Variants in PRKDC observed in about 807,000 individuals in gnomAD.
The protein encoded by PRKDC is DNA-dependent protein kinase catalytic subunit.
In PRKDC, 82 loss-of-function variants were observed where a neutral mutation model predicts 486.9. The observed-to-expected ratio is 0.17, with a 90% confidence interval of 0.14 to 0.20. The LOEUF (loss-of-function observed/expected upper bound fraction) is 0.20, where lower values mean the gene tolerates loss of function less well. Ranked by LOEUF, PRKDC falls within the 10% of genes least tolerant of loss-of-function variation. PRKDC has a pLI of 1.00. For synonymous variants in PRKDC, 1,895 were observed against 1,837.0 expected, an observed-to-expected ratio of 1.03 and a Z score of -0.81; for missense variants, 4,504 against 5,038.2, an observed-to-expected ratio of 0.89 and a Z score of 3.21.
chr8:47,890,418 G>T lies in PRKDC; in HGVS notation c.3910C>A (p.His1304Asn). The T allele has an allele frequency of 6.3e-7, 1 of 1,597,878 alleles. No homozygotes were observed. Among genetic ancestry groups the T allele is most frequent in the Non-Finnish European group, 8.5e-7 (1 of 1,171,372 alleles). ...VAFFLESIAM[H>N]DIIAAEKCFG... ...CACTTTTCTGCTGCTATAATGTCAT[G>T]CATGGCAATGCTTTCTAAGAAGAAA... is the stretch of plus-strand genomic sequence containing the variant. The change falls in exon 32 of 86, where the codon CAT becomes AAT. Residue 1304 changes from histidine (H) to asparagine (N), a missense_variant. His to Asn is a moderately conservative substitution (Grantham distance 68). This residue lies in a region of PRKDC where 1,969 missense variants were observed against 2,068.9 expected (regional missense o/e 0.95). Transcript: ENST00000314191.
At chr8:47,821,494 C>T in intron 65 of PRKDC, 110 bp downstream of exon 65, 5 of 1,029,682 alleles carry the variant, frequency 4.9e-6, no homozygotes, top group Non-Finnish European at 7.3e-6. Context: ...ATGCAATTCC[C>T]TAGTGCTTCA....
In PRKDC at chr8:47,859,691, A is replaced by G; in HGVS notation, c.6127T>C (p.Phe2043Leu). ...CTCTGAACTCCGGTTGAGAAATCAAATTGACTCATTTCCTCACTCAGGGTA... is the reference window on the plus strand; with the variant it reads ...CTCTGAACTCCGGTTGAGAAATCAAGTTGACTCATTTCCTCACTCAGGGTA... ...DSTLSEEMSQ[F>L]DFSTGVQSYS... The change falls in exon 46 of 86, where the codon TTT becomes CTT. Residue 2043 changes from phenylalanine to leucine, a missense_variant. Physicochemically the swap from Phe to Leu is conservative, Grantham distance 22 (BLOSUM62 0). Around this residue, in one of 6 missense-constraint regions of PRKDC, gnomAD observed 1,592 missense variants for 1,724.6 expected, o/e 0.92. Transcript: ENST00000314191. 6.2e-7 allele frequency: 1 copy of G among 1,613,916 alleles called. No individual in the cohort carries two copies. Among genetic ancestry groups the G allele is most frequent in the Non-Finnish European group, 8.5e-7 (1 of 1,179,806 alleles).
chr8:47,917,373 C>G (rs929249061), intron 22 of PRKDC, among the ~76,000 whole-genome samples: 1 of 152,162 alleles, frequency 6.6e-6, no homozygotes, highest in African/African-American at 2.4e-5. Context: ...TTTCTAGTTT[C>G]ATTCTAGTCT....
chr8:47,913,180 G>A (rs990442224), intron 24 of PRKDC, among the ~76,000 whole-genome samples: 9 of 152,192 alleles, frequency 5.9e-5, no homozygotes, highest in Admixed American at 2.6e-4. Flanking sequence ...AAACTAGTGT[G>A]ATTTGCTACA....
At chr8:47,864,263 A>T (rs2088750483) in intron 41 of PRKDC, among the ~76,000 whole-genome samples, 1 of 152,212 alleles carries the variant, frequency 6.6e-6, no homozygotes, top group African/African-American at 2.4e-5. Context: ...GACCGCCAGG[A>T]ACAGCTCTTC....
rs2089802989 is a variant in PRKDC at position 47,907,290 on chromosome 8, T to C, written c.2935-2314A>G. On this transcript the variant is annotated intron_variant, in intron 25 of 85. Transcript: ENST00000314191. ...CTCCTGACCTTGTGATCCACCCACC[T>C]CGGCCTCCCAAAGTGCTGGGATTAC... 2.0e-5 allele frequency among the ~76,000 whole-genome samples: 3 copies of C among 148,664 alleles called. No homozygotes were observed. The Admixed American group carries it at 2.4e-4, about 12-fold the overall frequency.
intron 35 of PRKDC, 26 bp from the exon 36 acceptor site, chr8:47,886,173 A>G: frequency 1.9e-6 from 3 of 1,544,870 alleles, no homozygotes; most frequent in Non-Finnish European, 2.6e-6. Context: ...GAGAAGTACC[A>G]TAACTGGGGC....
chr8:47,788,734 T>G (rs2086834931), intron 76 of PRKDC, among the ~76,000 whole-genome samples, 172 bp downstream of exon 76: 1 of 152,194 alleles, frequency 6.6e-6, no homozygotes, highest in Non-Finnish European at 1.5e-5. Context: ...CCTAAAAATG[T>G]TATCAATGTG....
chr8:47,886,159 A>G lies in PRKDC; in HGVS notation c.4573-12T>C. 6.3e-7 allele frequency: 1 copy of G among 1,578,602 alleles called. No individual in the cohort carries two copies. Among genetic ancestry groups the G allele is most frequent in the Non-Finnish European group, 8.6e-7 (1 of 1,164,438 alleles). On this transcript the variant is annotated splice_polypyrimidine_tract_variant and intron_variant, in intron 35 of 85. Transcript: ENST00000314191. The stretch of plus-strand genomic sequence containing the variant: ...ACAAGGCGCTCACACTGGGAAAAAG[A>G]AAGGAGAAGTACCATAACTGGGGCA...
intron 21 of PRKDC, among the ~76,000 whole-genome samples, chr8:47,919,612 A>G (rs1268398828): frequency 1.3e-5 from 2 of 152,132 alleles, no homozygotes; most frequent in African/African-American, 4.8e-5. Flanking sequence ...AATCCCTGGC[A>G]GTGGGATCTT....
intron 48 of PRKDC, 77 bp from the exon 49 acceptor site, chr8:47,857,376 C>A: frequency 6.9e-7 from 1 of 1,444,914 alleles, no homozygotes. Context: ...CTGTATCTTC[C>A]ATCAGCTAAA....
At chr8:47,804,041 C>A (rs373758493) in intron 69 of PRKDC, among the ~76,000 whole-genome samples, 1 of 152,020 alleles carries the variant, frequency 6.6e-6, no homozygotes, top group East Asian at 1.9e-4. Flanking sequence ...AGAACATTTT[C>A]ACTACCCCAA....
Position 47,819,489 on chromosome 8 carries a change from G to C in PRKDC, c.9358C>G (p.Leu3120Val). Reference protein sequence around the residue: ...FMQNYSSIDVLLHQSRLTKLQ... With the variant: ...FMQNYSSIDVVLHQSRLTKLQ... Reference sequence around the variant, plus strand: ...TTGGTGAGTCTACTTTGGTGTAAGAGGACATCAATACTAGAATAATTCTTA... The same window carrying C: ...TTGGTGAGTCTACTTTGGTGTAAGACGACATCAATACTAGAATAATTCTTA... The change falls in exon 67 of 86, where the codon CTC becomes GTC. Residue 3120 changes from leucine (L) to valine (V), a missense_variant. Leu to Val is a conservative substitution (Grantham distance 32). Transcript: ENST00000314191. 1 of 1,405,340 alleles carries C rather than the reference G, an allele frequency of 7.1e-7. No individual in the cohort carries two copies. The highest frequency in any genetic ancestry group is 2.4e-5 in the Admixed American group (1 of 41,060). The allele number at this position is 1,405,340 out of a possible 1,614,324, so 87.1% of individuals were successfully genotyped here.
chr8:47,858,521 C>T lies in PRKDC; in HGVS notation c.6460G>A (p.Glu2154Lys), dbSNP rs1366321946. The change falls in exon 48 of 86, where the codon GAA (glutamate) becomes AAA (lysine). Residue 2154 changes from glutamate (E) to lysine (K), a missense_variant. By Grantham distance (56) the Glu-to-Lys change is moderately conservative. Around this residue, in one of 6 missense-constraint regions of PRKDC, gnomAD observed 1,592 missense variants for 1,724.6 expected, o/e 0.92. Coordinates refer to ENST00000314191, the MANE Select transcript of PRKDC (RefSeq NM_006904.7). ...AGAAATAATCAATTACTTACCTCTTCTGTATTAATAACAAGCTTGGCTAAG... is the reference window on the plus strand; with the variant it reads ...AGAAATAATCAATTACTTACCTCTTTTGTATTAATAACAAGCTTGGCTAAG... ...LFLAKLVINT[E>K]EVFRPYAKHW... The T allele has an allele frequency of 6.7e-7, 1 of 1,498,740 alleles. No homozygotes were observed. The allele number at this position is 1,498,740 out of a possible 1,614,324, so 92.8% of individuals were successfully genotyped here. A position where few individuals can be genotyped will look rare whatever the true frequency, so the allele number is the denominator to read the frequency against.
intron 69 of PRKDC, chr8:47,805,241 A>G (rs992871492): frequency 6.6e-6 from 1 of 152,182 alleles, no homozygotes; most frequent in African/African-American, 2.4e-5. Flanking sequence ...ACCATTTTAC[A>G]TTCCCACCAG....
chr8:47,914,338 A>G (rs1018570643), intron 23 of PRKDC, among the ~76,000 whole-genome samples: 4 of 152,226 alleles, frequency 2.6e-5, no homozygotes, highest in Non-Finnish European at 5.9e-5. Flanking sequence ...AGTATTTTGT[A>G]GAAGAAAGTC....
intron 55 of PRKDC, 73 bp downstream of exon 55, chr8:47,839,943 C>T: frequency 8.0e-7 from 1 of 1,256,490 alleles, no homozygotes; most frequent in Non-Finnish European, 1.1e-6. Context: ...TGCCCCTGTA[C>T]TCCAGCCTCG....
Position 47,933,126 on chromosome 8 carries a change from C to A in PRKDC, c.1670G>T (p.Ser557Ile), listed in dbSNP as rs1302786212. The change falls in exon 16 of 86, where the codon AGT (serine) becomes ATT (isoleucine). Residue 557 changes from serine to isoleucine, a missense_variant. Ser to Ile is a moderately radical substitution (Grantham distance 142). Coordinates refer to ENST00000314191, the MANE Select transcript of PRKDC (RefSeq NM_006904.7). ...ATAAAGTAAATGATTCAGACTTTCA[C>A]TGGAGGAATTCACAGAGAAAAATGC... ...DEAFFSVNSSSESLNHLLYDE... is the reference protein window; with the variant it reads ...DEAFFSVNSSIESLNHLLYDE... 4.5e-6 allele frequency: 7 copies of A among 1,561,440 alleles called. No homozygotes were observed. The highest frequency in any genetic ancestry group is 6.1e-6 in the Non-Finnish European group (7 of 1,156,292).
At chr8:47,897,788 C>T (rs905364324) in intron 29 of PRKDC, among the ~76,000 whole-genome samples, 3 of 152,172 alleles carry the variant, frequency 2.0e-5, no homozygotes, top group African/African-American at 4.8e-5. Context: ...AAACTGATAT[C>T]GTAAGTTAAT....
Sources: gnomAD v4.1 joint callset for allele counts (sites outside exome capture counted in the v4.1 genomes callset) on GRCh38, gnomAD v4.1.1 for gene constraint, gnomAD v4.1.1 regional missense constraint, MANE v1.5 for transcripts, NCBI Gene and HGNC (gene_info 2026-07-23, HGNC 2026-07-21) for gene names.